Variants in PITPNB observed in about 807,000 individuals in gnomAD.
PITPNB encodes phosphatidylinositol transfer protein beta isoform.
PITPNB carries 16 observed loss-of-function variants against 45.9 expected under a neutral mutation model. That is an observed-to-expected ratio of 0.35 (90% CI 0.24 to 0.53). The LOEUF (loss-of-function observed/expected upper bound fraction) is 0.53, where lower values mean the gene tolerates loss of function less well. Ranked by LOEUF, PITPNB falls within the 20% of genes least tolerant of loss-of-function variation. PITPNB has a pLI of 0.93. For synonymous variants in PITPNB, 112 were observed against 108.9 expected (o/e 1.03, Z -0.18); for missense variants, 188 against 330.5 (o/e 0.57, Z 3.34).
chr22:27,909,184 C>T (rs16985707), intron 3 of PITPNB, among the ~76,000 whole-genome samples: 5,250 of 150,732 alleles, frequency 0.035, 142 homozygotes, highest in African/African-American at 0.066. Flanking sequence ...TGGTCTTCTG[C>T]CCTTAGATAA....
In PITPNB at chr22:27,919,236, G is replaced by C; in HGVS notation, c.-45C>G. On this transcript the variant is annotated 5_prime_UTR_variant, in exon 1 of 12. Coordinates refer to ENST00000335272, the MANE Select transcript of PITPNB (RefSeq NM_012399.5). ...AGCTGCCGCCGATACCACCGCCGCC[G>C]CCGCCGCTACCGCCTCTCACAGCGC... 2 of 1,547,638 alleles carry C rather than the reference G, an allele frequency of 1.3e-6. No individual in the cohort carries two copies. Among genetic ancestry groups the C allele is most frequent in the Non-Finnish European group, 1.8e-6 (2 of 1,122,872 alleles).
intron 1 of PITPNB, among the ~76,000 whole-genome samples, chr22:27,914,675 TG>T (rs778608131): frequency 2.0e-5 from 3 of 152,214 alleles, no homozygotes; most frequent in Non-Finnish European, 4.4e-5. Context: ...ATTTGCAGAT[TG>T]TCTGGTCAGG....
At chr22:27,919,048 G>T in intron 1 of PITPNB, 124 bp downstream of exon 1, 11 of 1,465,230 alleles carry the variant, frequency 7.5e-6, no homozygotes, top group Non-Finnish European at 9.5e-6. Flanking sequence ...GAGGGAGGGG[G>T]CGCCCGCAGG....
intron 8 of PITPNB, among the ~76,000 whole-genome samples, chr22:27,862,041 T>G (rs1934350701): frequency 6.6e-6 from 1 of 152,094 alleles, no homozygotes; most frequent in Non-Finnish European, 1.5e-5. Flanking sequence ...CTCTTCCCTC[T>G]TCACCACTGT....
chr22:27,863,441 T>C (rs1204369547), intron 8 of PITPNB, among the ~76,000 whole-genome samples: 1 of 152,248 alleles, frequency 6.6e-6, no homozygotes, highest in Non-Finnish European at 1.5e-5. Flanking sequence ...TGTTTTATTC[T>C]GTAATATGCC....
At chr22:27,888,711 T>C (rs1049441470) in intron 7 of PITPNB, among the ~76,000 whole-genome samples, 2 of 152,068 alleles carry the variant, frequency 1.3e-5, no homozygotes, top group Non-Finnish European at 2.9e-5. Context: ...TTGAAAGAAA[T>C]CTCCCTGGAG....
chr22:27,914,629 ACT>A lies in PITPNB; in HGVS notation c.21-284_21-283del, dbSNP rs199736659. Among the ~76,000 whole-genome samples, 97 of 152,196 alleles carry A rather than the reference ACT, an allele frequency of 6.4e-4. No individual in the cohort carries two copies. In the East Asian group the frequency reaches 0.015, roughly 24 times the overall value. On this transcript the variant is annotated intron_variant, in intron 1 of 11. Coordinates refer to ENST00000335272, the MANE Select transcript of PITPNB (RefSeq NM_012399.5). ...CTTGTGAGTAAAGAAAAAAGAGAAA[ACT>A]CAACATTGAAAATTGCAGGGTACAG...
Position 27,871,968 on chromosome 22 carries a change from GC to G in PITPNB, c.534+1769del, listed in dbSNP as rs529359503. 8.2e-4 allele frequency among the ~76,000 whole-genome samples: 124 copies of G among 150,888 alleles called. 3 individuals are homozygous for G. In the South Asian group the frequency reaches 0.022, roughly 27 times the overall value. Reference sequence around the variant, plus strand: ...CTGCCCCACTTCCACCATGTGAGACGCCTGCTTCTCCTTTGCCTACCATGAC... The same window carrying G: ...CTGCCCCACTTCCACCATGTGAGACGCTGCTTCTCCTTTGCCTACCATGAC... On this transcript the variant is annotated intron_variant, in intron 8 of 11. Transcript: ENST00000335272.
intron 7 of PITPNB, among the ~76,000 whole-genome samples, chr22:27,892,357 T>C (rs1461881124): frequency 6.6e-6 from 1 of 152,234 alleles, no homozygotes; most frequent in Non-Finnish European, 1.5e-5. Flanking sequence ...AGAATTTTTA[T>C]GCCTCCAGCA....
chr22:27,874,521 T>C (rs1934762096), intron 7 of PITPNB, among the ~76,000 whole-genome samples: 1 of 152,180 alleles, frequency 6.6e-6, no homozygotes, highest in East Asian at 1.9e-4. Flanking sequence ...GGTTCTAGTG[T>C]GTGTAAATTC....
rs578159149 is a variant in PITPNB at position 27,919,227 on chromosome 22, ACCG to A, written c.-39_-37del. ...CCCCCTCACAGCTGCCGCCGATACC[ACCG>A]CCGCCGCCGCCGCTACCGCCTCTCA... On this transcript the variant is annotated 5_prime_UTR_variant, in exon 1 of 12. Transcript: ENST00000335272. 595 of 1,565,444 alleles carry A rather than the reference ACCG, an allele frequency of 3.8e-4. No homozygotes were observed. The highest frequency in any genetic ancestry group is 4.5e-4 in the Non-Finnish European group (508 of 1,141,496).
At chr22:27,863,552 C>G (rs1035843583) in intron 8 of PITPNB, among the ~76,000 whole-genome samples, 1 of 152,178 alleles carries the variant, frequency 6.6e-6, no homozygotes, top group African/African-American at 2.4e-5. Flanking sequence ...AAGATACTTT[C>G]CAGATTGAAC....
intron 3 of PITPNB, among the ~76,000 whole-genome samples, chr22:27,905,171 C>T (rs142515022): frequency 9.2e-5 from 14 of 152,160 alleles, no homozygotes; most frequent in African/African-American, 2.9e-4. Flanking sequence ...TTGTTTGAGA[C>T]GGAGTCTCAC....
chr22:27,876,130 C>T (rs549254737), intron 7 of PITPNB, among the ~76,000 whole-genome samples: 122 of 152,260 alleles, frequency 8.0e-4, no homozygotes, highest in African/African-American at 2.8e-3. Context: ...TCACCTACCC[C>T]AGCACTTCAA....
At chr22:27,867,634 G>C (rs1347573175) in intron 8 of PITPNB, among the ~76,000 whole-genome samples, 1 of 152,132 alleles carries the variant, frequency 6.6e-6, no homozygotes, top group East Asian at 1.9e-4. Context: ...ATTACTCCAG[G>C]AGTGACACTA....
chr22:27,916,767 C>A (rs184365119), intron 1 of PITPNB, among the ~76,000 whole-genome samples: 1 of 152,082 alleles, frequency 6.6e-6, no homozygotes, highest in African/African-American at 2.4e-5. Context: ...CATGCCACTG[C>A]ACTCCAGCCT....
intron 1 of PITPNB, 65 bp from the exon 2 acceptor site, chr22:27,914,412 A>G: frequency 3.1e-6 from 3 of 980,770 alleles, no homozygotes; most frequent in Non-Finnish European, 4.7e-6. Context: ...AGATCTCTGA[A>G]GAGGTTTTAC....
chr22:27,875,755 GTTA>G (rs1473145237), intron 7 of PITPNB, among the ~76,000 whole-genome samples: 1 of 152,100 alleles, frequency 6.6e-6, no homozygotes, highest in African/African-American at 2.4e-5. Context: ...CACACCAGAC[GTTA>G]TTAGTAAGAG....
chr22:27,885,581 C>G (rs1237162336), intron 7 of PITPNB, among the ~76,000 whole-genome samples: 1 of 152,166 alleles, frequency 6.6e-6, no homozygotes, highest in Non-Finnish European at 1.5e-5. Flanking sequence ...ATGATCATAG[C>G]TCACTGCAGC....
Sources: gnomAD v4.1 joint callset for allele counts (sites outside exome capture counted in the v4.1 genomes callset) on GRCh38, gnomAD v4.1.1 for gene constraint, MANE v1.5 for transcripts, NCBI Gene and HGNC (gene_info 2026-07-23, HGNC 2026-07-21) for gene names.